ALOX12B: variants seen among roughly 807,000 people sequenced by gnomAD.
ALOX12B encodes arachidonate 12-lipoxygenase, 12R-type.
ALOX12B carries 47 observed loss-of-function variants against 78.9 expected under a neutral mutation model. That is an observed-to-expected ratio of 0.60 (90% confidence interval 0.47 to 0.76). The LOEUF is 0.76. Among genes scored for constraint, ALOX12B ranks in the 30% least tolerant of loss-of-function variants. ALOX12B has a pLI of 0.00. For missense variants in ALOX12B, 805 were observed against 922.6 expected, an observed-to-expected ratio of 0.87 and a Z score of 1.65; for synonymous variants, 370 against 374.5, an observed-to-expected ratio of 0.99 and a Z score of 0.14.
chr17:8,074,758 G>A (rs944552411), intron 12 of ALOX12B, among the ~76,000 whole-genome samples: 37 of 152,106 alleles, frequency 2.4e-4, no homozygotes, highest in African/African-American at 8.0e-4. Flanking sequence ...ACCTCCCCAC[G>A]TCCCACCCTA....
At position 8,087,325 on chromosome 17, in the gene ALOX12B, G is replaced by A; in HGVS notation, c.118C>T (p.His40Tyr). ...QGESHKQLLNHFGRDFATGAV... is the reference protein window; with the variant it reads ...QGESHKQLLNYFGRDFATGAV... ...CCAGTTGCAAAGTCTCTCCCAAAGTGGTTCAGCAGCTGCTTATGGCTCTCT... is the reference window on the plus strand; with the variant it reads ...CCAGTTGCAAAGTCTCTCCCAAAGTAGTTCAGCAGCTGCTTATGGCTCTCT... Residue 40 changes from histidine (H) to tyrosine (Y), a missense_variant, in exon 1 of 15, where the codon CAC (histidine) becomes TAC (tyrosine). Coordinates refer to ENST00000647874, the MANE Select transcript of ALOX12B (RefSeq NM_001139.3). The A allele has an allele frequency of 6.2e-7, 1 of 1,613,588 alleles. No homozygotes were observed. The highest frequency in any genetic ancestry group is 2.2e-5 in the East Asian group (1 of 44,848).
At position 8,079,405 on chromosome 17, in the gene ALOX12B, G is replaced by A; in HGVS notation, c.1062C>T (p.Ile354=). 2 of 1,553,158 alleles carry A rather than the reference G, an allele frequency of 1.3e-6. No individual in the cohort carries two copies. The highest frequency in any genetic ancestry group is 1.7e-6 in the Non-Finnish European group (2 of 1,148,270). The stretch of plus-strand genomic sequence containing the variant: ...CCTGCAGCCCAGGCACCTGGATGGC[G>A]ATGGGCATCATCTTGCCCTCGGGTC... ...HFGPEGKMMP[I]AIQLSQTPGP... The change falls in exon 8 of 15, where the codon ATC becomes ATT. Residue 354 remains isoleucine, a synonymous_variant. Transcript: ENST00000647874. This position sits in a 1 kb window ranked among gnomAD's most constrained non-coding sequence, Gnocchi z 6.4.
rs879069209 is a variant in ALOX12B at position 8,087,227 on chromosome 17, GACACACACAGACAC to G, written c.147+55_147+68del. The G allele has an allele frequency of 5.5e-3, 7,825 of 1,426,946 alleles. 154 individuals are homozygous for G. The African/African-American group carries it at 0.073, about 13-fold the overall frequency. 88.4% of individuals were successfully genotyped at this position (1,426,946 alleles called of 1,614,324 possible). A position where few individuals can be genotyped will look rare whatever the true frequency, so the allele number is the denominator to read the frequency against. On this transcript the variant is annotated intron_variant, in intron 1 of 14. Coordinates refer to ENST00000647874, the MANE Select transcript of ALOX12B (RefSeq NM_001139.3). ...CCACAAAGACACACAGACACACACA[GACACACACAGACAC>G]ACACACACACACACACAGACACACA...
At position 8,079,951 on chromosome 17, in the gene ALOX12B, C is replaced by T; in HGVS notation, c.755-10G>A. The T allele has an allele frequency of 1.2e-6, 2 of 1,609,802 alleles. No individual in the cohort carries two copies. Among genetic ancestry groups the T allele is most frequent in the Admixed American group, 1.7e-5 (1 of 59,528 alleles). ...TGCTCGGCCACGTACTCTGCGAGGACGGCGCGAGGGCGTCACAAGGAGGCC... is the reference window on the plus strand; with the variant it reads ...TGCTCGGCCACGTACTCTGCGAGGATGGCGCGAGGGCGTCACAAGGAGGCC... On this transcript the variant is annotated splice_polypyrimidine_tract_variant and intron_variant, in intron 6 of 14. Transcript: ENST00000647874. This position sits in a 1 kb window ranked among gnomAD's most constrained non-coding sequence, Gnocchi z 6.4.
chr17:8,080,636 C>T lies in ALOX12B; in HGVS notation c.650+22G>A. On this transcript the variant is annotated intron_variant, in intron 5 of 14. Transcript: ENST00000647874. This position sits in a 1 kb window ranked among gnomAD's most constrained non-coding sequence, Gnocchi z 4.8. ...AAGTTCTTGCAGGAGCCCTCGTTCT[C>T]CCGTCACTCACACGGACTCACATGG... 2 of 1,614,014 alleles carry T rather than the reference C, an allele frequency of 1.2e-6. No homozygotes were observed. Among genetic ancestry groups the T allele is most frequent in the Non-Finnish European group, 1.7e-6 (2 of 1,180,008 alleles).
chr17:8,078,959 A>C (rs1356011718), intron 8 of ALOX12B, among the ~76,000 whole-genome samples: 1 of 140,182 alleles, frequency 7.1e-6, no homozygotes, highest in Non-Finnish European at 1.5e-5. Context: ...ATGCAGTGGC[A>C]TGATCTAGGC....
Position 8,079,332 on chromosome 17 carries a change from C to T in ALOX12B, c.1071+64G>A. On this transcript the variant is annotated intron_variant, in intron 8 of 14. Coordinates refer to ENST00000647874, the MANE Select transcript of ALOX12B (RefSeq NM_001139.3). This position sits in a 1 kb window ranked among gnomAD's most constrained non-coding sequence, Gnocchi z 6.4. ...GTCCACACGCTCACATAAGCGCGCGCACACTCGGAGGAGCATTCGCGCACA... is the reference window on the plus strand; with the variant it reads ...GTCCACACGCTCACATAAGCGCGCGTACACTCGGAGGAGCATTCGCGCACA... The T allele has an allele frequency of 6.5e-7, 1 of 1,541,878 alleles. No individual in the cohort carries two copies. The highest frequency in any genetic ancestry group is 1.2e-5 in the South Asian group (1 of 83,540).
At position 8,087,408 on chromosome 17, in the gene ALOX12B, G is replaced by A. The variant is rs1043993265; in HGVS notation, c.35C>T (p.Thr12Ile). The A allele has an allele frequency of 3.1e-6, 5 of 1,614,116 alleles. No individual in the cohort carries two copies. The highest frequency in any genetic ancestry group is 4.2e-6 in the Non-Finnish European group (5 of 1,180,048). ...ATYKVRVATG[T>I]DLLSGTRDSI... Reference sequence around the variant, plus strand: ...GTCCCGTGTTCCCGACAAGAGGTCGGTGCCTGTGGCCACCCTGACTTTGTA... The same window carrying A: ...GTCCCGTGTTCCCGACAAGAGGTCGATGCCTGTGGCCACCCTGACTTTGTA... Residue 12 changes from threonine to isoleucine, a missense_variant, in exon 1 of 15, where the codon ACC becomes ATC. Thr to Ile is a moderately conservative substitution (Grantham distance 89). Transcript: ENST00000647874.
At position 8,073,735 on chromosome 17, in the gene ALOX12B, G is replaced by T; in HGVS notation, c.1677C>A (p.Thr559=). ...TGACATATCGGATCAGCTCAGGCAC[G>T]GTTCGCAAGCACCTAGGGAAGCCTG... The part of the protein sequence containing the change: ...ESSGFPRCLR[T]VPELIRYVTI... The change falls in exon 13 of 15, where the codon ACC becomes ACA. Residue 559 remains threonine, a synonymous_variant. Coordinates refer to ENST00000647874, the MANE Select transcript of ALOX12B (RefSeq NM_001139.3). 6.2e-7 allele frequency: 1 copy of T among 1,614,088 alleles called. No homozygotes were observed. The highest frequency in any genetic ancestry group is 8.5e-7 in the Non-Finnish European group (1 of 1,179,990).
chr17:8,079,411 C>T lies in ALOX12B; in HGVS notation c.1056G>A (p.Met352Ile). 2 of 1,552,536 alleles carry T rather than the reference C, an allele frequency of 1.3e-6. No individual in the cohort carries two copies. Among genetic ancestry groups the T allele is most frequent in the Non-Finnish European group, 1.7e-6 (2 of 1,147,902 alleles). The change falls in exon 8 of 15, where the codon ATG (methionine) becomes ATA (isoleucine). Residue 352 changes from methionine to isoleucine, a missense_variant. By Grantham distance (10) the Met-to-Ile change is conservative (BLOSUM62 1). Coordinates refer to ENST00000647874, the MANE Select transcript of ALOX12B (RefSeq NM_001139.3). The surrounding 1 kb of genome is among the most constrained non-coding windows in gnomAD (Gnocchi z 6.4). Reference sequence around the variant, plus strand: ...GCCCAGGCACCTGGATGGCGATGGGCATCATCTTGCCCTCGGGTCCAAAGT... The same window carrying T: ...GCCCAGGCACCTGGATGGCGATGGGTATCATCTTGCCCTCGGGTCCAAAGT... ...LLHFGPEGKMMPIAIQLSQTP... is the reference protein window; with the variant it reads ...LLHFGPEGKMIPIAIQLSQTP...
At position 8,076,926 on chromosome 17, in the gene ALOX12B, G is replaced by C. The variant is rs1042711593; in HGVS notation, c.1275+64C>G. The C allele has an allele frequency of 1.9e-6, 3 of 1,550,122 alleles. No individual in the cohort carries two copies. The Admixed American group carries it at 5.4e-5, about 28-fold the overall frequency. On this transcript the variant is annotated intron_variant, in intron 9 of 14. Transcript: ENST00000647874. Reference sequence around the variant, plus strand: ...CTCTCTGACTGCTCAGTGGGCCTGGGGGTTTTCGGAGGCCAGGTGAGGGCC... The same window carrying C: ...CTCTCTGACTGCTCAGTGGGCCTGGCGGTTTTCGGAGGCCAGGTGAGGGCC...
At position 8,080,192 on chromosome 17, in the gene ALOX12B, C is replaced by G. The variant is rs777856504; in HGVS notation, c.754+43G>C. 5.0e-6 allele frequency: 8 copies of G among 1,600,926 alleles called. No homozygotes were observed. The highest frequency in any genetic ancestry group is 2.7e-5 in the African/African-American group (2 of 74,624). ...GGGGCCTGCCTAGCACGCCGGAGAC[C>G]GCCTGGCTCCCCCTGCTCGATCCGG... On this transcript the variant is annotated intron_variant, in intron 6 of 14. Coordinates refer to ENST00000647874, the MANE Select transcript of ALOX12B (RefSeq NM_001139.3). The surrounding 1 kb of genome is among the most constrained non-coding windows in gnomAD (Gnocchi z 4.8).
At position 8,087,586 on chromosome 17, in the gene ALOX12B, G is replaced by A; in HGVS notation, c.-144C>T. 2 of 1,395,978 alleles carry A rather than the reference G, an allele frequency of 1.4e-6. No homozygotes were observed. The highest frequency in any genetic ancestry group is 2.0e-6 in the Non-Finnish European group (2 of 1,014,660). The allele number at this position is 1,395,978 out of a possible 1,614,324, so 86.5% of individuals were successfully genotyped here. Reference sequence around the variant, plus strand: ...CGAGGTGCAGTGGTGAGGTGGCGAGGTGGGGTGACTAGGCCTGCCAGCCAA... The same window carrying A: ...CGAGGTGCAGTGGTGAGGTGGCGAGATGGGGTGACTAGGCCTGCCAGCCAA... On this transcript the variant is annotated 5_prime_UTR_variant, in exon 1 of 15. Transcript: ENST00000647874.
rs542487003 is a variant in ALOX12B at position 8,081,059 on chromosome 17, C to T, written c.434+47G>A. ...CCAGAGCCATCACTGCCCCCCACCTCCCTGGACCCCTGCCGGGCGCCCAGA... is the reference window on the plus strand; with the variant it reads ...CCAGAGCCATCACTGCCCCCCACCTTCCTGGACCCCTGCCGGGCGCCCAGA... On this transcript the variant is annotated intron_variant, in intron 3 of 14. Transcript: ENST00000647874. The T allele has an allele frequency of 2.9e-5, 47 of 1,612,802 alleles. No homozygotes were observed. In the Admixed American group the frequency reaches 7.0e-4, roughly 24 times the overall value.
In ALOX12B at chr17:8,086,176, G is replaced by A. The variant is rs775638513; in HGVS notation, c.192C>T (p.Leu64=). 2.6e-5 allele frequency: 42 copies of A among 1,613,984 alleles called. No individual in the cohort carries two copies. The South Asian group carries it at 4.2e-4, about 16-fold the overall frequency. Reference sequence around the variant, plus strand: ...GCTCTTTGTGCAGGCGGATGATGATGAGCTCACCCAGGTCCTGAGGGCACT... The same window carrying A: ...GCTCTTTGTGCAGGCGGATGATGATAAGCTCACCCAGGTCCTGAGGGCACT... ...TVQCPQDLGE[L]IIIRLHKERY... Residue 64 remains leucine, a synonymous_variant, in exon 2 of 15, where the codon CTC becomes CTT. Transcript: ENST00000647874.
Position 8,081,156 on chromosome 17 carries a change from G to T in ALOX12B, c.384C>A (p.Val128=). 1 of 1,613,998 alleles carries T rather than the reference G, an allele frequency of 6.2e-7. No individual in the cohort carries two copies. The highest frequency in any genetic ancestry group is 8.5e-7 in the Non-Finnish European group (1 of 1,180,014). Residue 128 remains valine (V), a synonymous_variant, in exon 3 of 15, where the codon GTC becomes GTA. Transcript: ENST00000647874. ...GKTTADDSLP[V]LLEHRKEEIR... ...TCTCCTCTTTTCTGTGCTCCAGGAGGACGGGGAGCGAGTCATCTGCTGTTG... is the reference window on the plus strand; with the variant it reads ...TCTCCTCTTTTCTGTGCTCCAGGAGTACGGGGAGCGAGTCATCTGCTGTTG...
At chr17:8,084,846 C>CA (rs1368210320) in intron 2 of ALOX12B, among the ~76,000 whole-genome samples, 163 of 152,278 alleles carry the variant, frequency 1.1e-3, no homozygotes, top group Non-Finnish European at 1.2e-4. Context: ...TAAGAGAGGA[C>CA]AGGCCCCCAG....
Position 8,080,747 on chromosome 17 carries a change from G to T in ALOX12B, c.561C>A (p.Leu187=). Residue 187 remains leucine, a synonymous_variant, in exon 5 of 15, where the codon CTC becomes CTA. Coordinates refer to ENST00000647874, the MANE Select transcript of ALOX12B (RefSeq NM_001139.3). This position sits in a 1 kb window ranked among gnomAD's most constrained non-coding sequence, Gnocchi z 4.8. ...WNGYIPGFPI[L]INFKATKFLN... is the part of the protein sequence containing the mutation. ...GGAACTTGGTGGCCTTAAAGTTGATGAGAATTGGGAATCCCGGAATATAGC... is the reference window on the plus strand; with the variant it reads ...GGAACTTGGTGGCCTTAAAGTTGATTAGAATTGGGAATCCCGGAATATAGC... 1.2e-6 allele frequency: 2 copies of T among 1,614,156 alleles called. No homozygotes were observed. Among genetic ancestry groups the T allele is most frequent in the South Asian group, 2.2e-5 (2 of 91,074 alleles).
chr17:8,086,334 C>G, intron 1 of ALOX12B, 114 bp from the exon 2 acceptor site: 1 of 1,052,314 alleles, frequency 9.5e-7, no homozygotes, highest in African/African-American at 1.6e-5. Flanking sequence ...GCTCACCTCC[C>G]TGGACTGACG....
Sources: gnomAD v4.1 joint callset for allele counts (sites outside exome capture counted in the v4.1 genomes callset) on GRCh38, gnomAD v4.1.1 for gene constraint, Gnocchi (gnomAD v3.1) non-coding constraint, MANE v1.5 for transcripts, NCBI Gene and HGNC (gene_info 2026-07-23, HGNC 2026-07-21) for gene names.